The following KAZN variants were observed in gnomAD, a reference collection of about 807,000 sequenced individuals.
KAZN encodes kazrin, periplakin interacting protein.
Under a neutral mutation model 87.4 loss-of-function variants are expected in KAZN, and 40 were observed. That is an observed-to-expected ratio of 0.46 (90% confidence interval 0.36 to 0.60). The LOEUF is 0.60. KAZN is among the 20% of genes least tolerant of loss of function. The probability of loss-of-function intolerance (pLI) is 0.00; values close to 1 mark genes in which losing one functional copy is unlikely to be tolerated. For synonymous variants in KAZN, 466 were observed against 458.3 expected (o/e 1.02, Z -0.22); for missense variants, 898 against 1,073.9 (o/e 0.84, Z 2.29).
chr1:14,107,214 A>T (rs2101660810), intron 1 of KAZN, among the ~76,000 whole-genome samples: 1 of 151,458 alleles, frequency 6.6e-6, no homozygotes, highest in South Asian at 2.1e-4. Context: ...TGTTTCCTGG[A>T]GGTAAGAGCC....
At chr1:14,041,745 C>T (rs930050133) in intron 1 of KAZN, among the ~76,000 whole-genome samples, 2 of 152,172 alleles carry the variant, frequency 1.3e-5, no homozygotes, top group Admixed American at 6.5e-5. Context: ...GTTAGTGGAC[C>T]TCCTTCCCTT....
chr1:14,450,477 C>G (rs1667211762), intron 2 of KAZN, among the ~76,000 whole-genome samples: 1 of 152,174 alleles, frequency 6.6e-6, no homozygotes, highest in Non-Finnish European at 1.5e-5. Context: ...GTAATCCCAG[C>G]TACTCAGGAG....
intron 11 of KAZN, among the ~76,000 whole-genome samples, chr1:15,102,636 C>T (rs1022353022): frequency 6.6e-6 from 1 of 152,168 alleles, no homozygotes; most frequent in Non-Finnish European, 1.5e-5. Context: ...CCTTTTGTCC[C>T]CCTTCTCAAC....
chr1:14,548,357 C>G lies in KAZN; in HGVS notation c.250-50626C>G, dbSNP rs150315724. On this transcript the variant is annotated intron_variant, in intron 2 of 16. Coordinates refer to the KAZN transcript ENST00000636203. Reference sequence around the variant, plus strand: ...GGGACTACAGGCGCCCACCACCATGCCTGGCTAATTTTTATATTTTTAGTA... The same window carrying G: ...GGGACTACAGGCGCCCACCACCATGGCTGGCTAATTTTTATATTTTTAGTA... 4.4e-3 allele frequency among the ~76,000 whole-genome samples: 662 copies of G among 152,100 alleles called. 4 individuals carry two copies. Among genetic ancestry groups the G allele is most frequent in the African/African-American group, 0.015 (617 of 41,486 alleles).
At chr1:14,892,770 C>T (rs1042763231) in intron 1 of KAZN, among the ~76,000 whole-genome samples, 9 of 152,130 alleles carry the variant, frequency 5.9e-5, no homozygotes, top group African/African-American at 1.9e-4. Context: ...CTGTGGGGGC[C>T]TCCTGCAGGC....
intron 2 of KAZN, among the ~76,000 whole-genome samples, chr1:15,027,684 G>A (rs1316624480): frequency 6.6e-6 from 1 of 152,214 alleles, no homozygotes; most frequent in African/African-American, 2.4e-5. Flanking sequence ...GGGGCCCCCT[G>A]CTGGCAGCAG....
chr1:14,051,619 C>T (rs933009600), intron 1 of KAZN, among the ~76,000 whole-genome samples: 7 of 152,114 alleles, frequency 4.6e-5, no homozygotes, highest in African/African-American at 7.2e-5. Context: ...TTGGGAGGAT[C>T]GCTTCAGTCC....
rs1641448186 is a variant in KAZN at position 13,954,015 on chromosome 1, CA to C, written c.91+60260del. Among the ~76,000 whole-genome samples the C allele has an allele frequency of 3.3e-5, 5 of 152,318 alleles. No homozygotes were observed. In the South Asian group the frequency reaches 1.0e-3, roughly 32 times the overall value. ...CAAAAAGTGAATCTCAATGTATTAT[CA>C]GTAAACTTTGTTTTTTTCCATTCGG... is the stretch of plus-strand genomic sequence containing the variant. On this transcript the variant is annotated intron_variant, in intron 1 of 16. Coordinates refer to the KAZN transcript ENST00000636203.
intron 1 of KAZN, among the ~76,000 whole-genome samples, chr1:14,070,290 G>C (rs1452790464): frequency 6.6e-6 from 1 of 151,772 alleles, no homozygotes; most frequent in Non-Finnish European, 1.5e-5. Context: ...TTTGAAATGT[G>C]AGCAAAAACC....
intron 1 of KAZN, chr1:14,924,216 C>T: frequency 1.0e-6 from 1 of 980,654 alleles, no homozygotes; most frequent in Non-Finnish European, 1.2e-6. Flanking sequence ...ACTGAGAGCC[C>T]TGGTCCGGCG....
chr1:13,929,007 C>T (rs900053208), intron 1 of KAZN, among the ~76,000 whole-genome samples: 15 of 147,800 alleles, frequency 1.0e-4, no homozygotes, highest in Admixed American at 8.8e-4. Flanking sequence ...GAAGCCAGAG[C>T]TGGGCCAGCT....
chr1:14,090,037 T>C (rs1451146775), intron 1 of KAZN, among the ~76,000 whole-genome samples: 1 of 152,170 alleles, frequency 6.6e-6, no homozygotes, highest in Non-Finnish European at 1.5e-5. Flanking sequence ...GTGGCAGCTT[T>C]TAAGATTTTG....
At chr1:13,987,033 C>T (rs1639051369) in intron 1 of KAZN, among the ~76,000 whole-genome samples, 1 of 150,380 alleles carries the variant, frequency 6.6e-6, no homozygotes, top group Non-Finnish European at 1.5e-5. Context: ...AAGAAAGTGT[C>T]TTCCATTGTA....
intron 1 of KAZN, among the ~76,000 whole-genome samples, chr1:14,793,233 C>A (rs1288216163): frequency 6.6e-6 from 1 of 152,070 alleles, no homozygotes; most frequent in South Asian, 2.1e-4. Flanking sequence ...CAGCACCAGG[C>A]GATGGCATCT....
intron 1 of KAZN, among the ~76,000 whole-genome samples, chr1:14,790,840 G>A (rs1224018934): frequency 6.6e-6 from 1 of 152,160 alleles, no homozygotes; most frequent in African/African-American, 2.4e-5. Flanking sequence ...TGATATGCGT[G>A]CACCACTATG....
intron 2 of KAZN, among the ~76,000 whole-genome samples, chr1:14,591,171 G>GCCCC: frequency 6.8e-6 from 1 of 147,500 alleles, no homozygotes; most frequent in African/African-American, 2.5e-5. Flanking sequence ...ATCAAATAGT[G>GCCCC]CCCCCCCCCC....
chr1:13,901,537 A>G (rs1639250371), intron 1 of KAZN, among the ~76,000 whole-genome samples: 2 of 152,166 alleles, frequency 1.3e-5, no homozygotes, highest in Admixed American at 6.5e-5. Context: ...CAATGTTCCT[A>G]TTAAGCCCTC....
intron 2 of KAZN, among the ~76,000 whole-genome samples, chr1:14,471,709 C>T (rs1668463459): frequency 6.6e-6 from 1 of 152,192 alleles, no homozygotes; most frequent in African/African-American, 2.4e-5. Context: ...TCAGTCTTCC[C>T]TCCCACTTAG....
rs767081819 is a variant in KAZN, at chr1:14,773,702, G to A, written c.226+174479G>A. On this transcript the variant is annotated intron_variant, in intron 1 of 14. Transcript: ENST00000376030. This position sits in a 1 kb window ranked among gnomAD's most constrained non-coding sequence, Gnocchi z 5.9. ...CCTCTATGCAGCCGGTTACCCATTGGCGTCACTTAGCCTGGCAGTGCTGCT... is the reference window on the plus strand; with the variant it reads ...CCTCTATGCAGCCGGTTACCCATTGACGTCACTTAGCCTGGCAGTGCTGCT... Among the ~76,000 whole-genome samples, 59 of 152,272 alleles carry A rather than the reference G, an allele frequency of 3.9e-4. No homozygotes were observed. The highest frequency in any genetic ancestry group is 7.1e-4 in the Non-Finnish European group (48 of 68,022).
Sources: gnomAD v4.1 joint callset for allele counts (sites outside exome capture counted in the v4.1 genomes callset) on GRCh38, gnomAD v4.1.1 for gene constraint, Gnocchi (gnomAD v3.1) non-coding constraint, MANE v1.5 for transcripts, NCBI Gene and HGNC (gene_info 2026-07-23, HGNC 2026-07-21) for gene names.